SBF2: variants seen among roughly 807,000 people sequenced by gnomAD.
SBF2 encodes SET binding factor 2, also known as myotubularin-related protein 13.
Under a neutral mutation model 225.2 loss-of-function variants are expected in SBF2, and 112 were observed. The observed-to-expected ratio is 0.50, with a 90% CI of 0.43 to 0.58. The LOEUF (loss-of-function observed/expected upper bound fraction) is 0.58. SBF2 is among the 20% of genes least tolerant of loss of function. The probability of loss-of-function intolerance (pLI) is 0.00; values close to 1 mark genes in which losing one functional copy is unlikely to be tolerated. For missense variants in SBF2, 1,996 were observed against 2,206.2 expected (o/e 0.90, Z 1.91); for synonymous variants, 763 against 773.3 (o/e 0.99, Z 0.22).
chr11:10,153,244 G>A (rs1429444857), intron 2 of SBF2, among the ~76,000 whole-genome samples: 1 of 152,144 alleles, frequency 6.6e-6, no homozygotes, highest in Non-Finnish European at 1.5e-5. Flanking sequence ...GAAAGATAAT[G>A]AGAGCCTTAA....
intron 16 of SBF2, among the ~76,000 whole-genome samples, chr11:9,951,628 A>G (rs987040581): frequency 8.5e-5 from 13 of 152,192 alleles, no homozygotes; most frequent in Admixed American, 2.0e-4. Context: ...AAATGTACTT[A>G]ATTTCTTTAA....
intron 13 of SBF2, among the ~76,000 whole-genome samples, chr11:9,971,438 G>C (rs1264254633): frequency 1.3e-5 from 2 of 152,050 alleles, no homozygotes; most frequent in Non-Finnish European, 2.9e-5. Flanking sequence ...CAGCACTTTG[G>C]GAGTTCGGAG....
At position 10,057,338 on chromosome 11, in the gene SBF2, A is replaced by G. The variant is rs61877055; in HGVS notation, c.142-14357T>C. Among the ~76,000 whole-genome samples the G allele has an allele frequency of 7.3e-3, 1,116 of 152,256 alleles. 8 individuals carry two copies. Among genetic ancestry groups the G allele is most frequent in the Non-Finnish European group, 9.6e-3 (655 of 68,020 alleles). On this transcript the variant is annotated intron_variant, in intron 2 of 39. Coordinates refer to ENST00000256190, the MANE Select transcript of SBF2 (RefSeq NM_030962.4). The stretch of plus-strand genomic sequence containing the variant: ...CAGCCTCTCTGCCACTACCTCTGCA[A>G]TGTAACTGCCCTTGTCACCCTTGGA...
At chr11:10,184,339 C>T (rs1956850462) in intron 2 of SBF2, among the ~76,000 whole-genome samples, 1 of 152,120 alleles carries the variant, frequency 6.6e-6, no homozygotes, top group African/African-American at 2.4e-5. Flanking sequence ...ATAAGTCTTC[C>T]AAACTTTGTT....
At chr11:9,862,350 T>C (rs1294674540) in intron 17 of SBF2, among the ~76,000 whole-genome samples, 1 of 152,184 alleles carries the variant, frequency 6.6e-6, no homozygotes, top group African/African-American at 2.4e-5. Context: ...CTAGACTCCA[T>C]CATGGCTTGA....
chr11:10,205,757 C>T (rs924367351), intron 1 of SBF2, among the ~76,000 whole-genome samples: 1 of 152,014 alleles, frequency 6.6e-6, no homozygotes, highest in African/African-American at 2.4e-5. Context: ...GTAGGCATCA[C>T]CAGCAAGAGA....
At chr11:10,075,696 C>G (rs1444861381) in intron 2 of SBF2, among the ~76,000 whole-genome samples, 3 of 152,192 alleles carry the variant, frequency 2.0e-5, no homozygotes, top group African/African-American at 2.4e-5. Flanking sequence ...CCTGAGGCCT[C>G]TCTGCCATGC....
At chr11:9,897,217 C>A (rs1367714414) in intron 16 of SBF2, among the ~76,000 whole-genome samples, 1 of 151,992 alleles carries the variant, frequency 6.6e-6, no homozygotes, top group African/African-American at 2.4e-5. Context: ...CTGACACATG[C>A]TACCACATGG....
At chr11:10,107,903 C>T (rs1952623700) in intron 2 of SBF2, among the ~76,000 whole-genome samples, 1 of 152,100 alleles carries the variant, frequency 6.6e-6, no homozygotes, top group African/African-American at 2.4e-5. Context: ...CAACCCACTA[C>T]AAAGCTCTAG....
At chr11:10,277,245 C>CT (rs1300431853) in intron 1 of SBF2, among the ~76,000 whole-genome samples, 1 of 56,426 alleles carries the variant, frequency 1.8e-5, no homozygotes, top group African/African-American at 4.5e-5. Context: ...CACAAAGACT[C>CT]TGTCTCTAAA....
intron 12 of SBF2, among the ~76,000 whole-genome samples, chr11:9,990,453 C>G (rs574015345): frequency 6.6e-6 from 1 of 152,200 alleles, no homozygotes. Flanking sequence ...TAAGTGAAAA[C>G]AAGGATCACT....
chr11:10,242,664 T>C (rs1160337442), intron 1 of SBF2, among the ~76,000 whole-genome samples: 1 of 151,946 alleles, frequency 6.6e-6, no homozygotes, highest in African/African-American at 2.4e-5. Flanking sequence ...TTCATACAAA[T>C]GGTAGCCAAA....
At chr11:9,920,437 C>A (rs576060223) in intron 16 of SBF2, among the ~76,000 whole-genome samples, 1 of 151,984 alleles carries the variant, frequency 6.6e-6, no homozygotes, top group Non-Finnish European at 1.5e-5. Context: ...TTCTAGGCAC[C>A]AGTGCAAGAA....
At chr11:9,847,518 C>CA (rs3072276) in intron 22 of SBF2, among the ~76,000 whole-genome samples, 33,107 of 137,238 alleles carry the variant, frequency 0.24, 4,016 homozygotes, top group Middle Eastern at 0.28. Flanking sequence ...GGAGGTTTTA[C>CA]AAAAAAAAAA....
chr11:9,994,447 C>G (rs1357827424), intron 9 of SBF2, among the ~76,000 whole-genome samples: 1 of 150,016 alleles, frequency 6.7e-6, no homozygotes, highest in East Asian at 2.0e-4. Flanking sequence ...TGCACTCCAG[C>G]CTGGGCGACA....
intron 1 of SBF2, among the ~76,000 whole-genome samples, chr11:10,251,868 T>C (rs1960385689): frequency 6.6e-6 from 1 of 151,970 alleles, no homozygotes; most frequent in Non-Finnish European, 1.5e-5. Context: ...AAACAGAGAG[T>C]GGCACTAAGG....
chr11:10,115,619 C>T (rs1047870870), intron 2 of SBF2, among the ~76,000 whole-genome samples: 1 of 152,204 alleles, frequency 6.6e-6, no homozygotes, highest in Non-Finnish European at 1.5e-5. Context: ...CTAAATCCTG[C>T]AACTCTTCCC....
At chr11:9,822,007 G>A (rs1854782129) in intron 28 of SBF2, among the ~76,000 whole-genome samples, 1 of 152,152 alleles carries the variant, frequency 6.6e-6, no homozygotes, top group Admixed American at 6.5e-5. Context: ...CATTTCAGCA[G>A]AGTATTAGGC....
intron 2 of SBF2, among the ~76,000 whole-genome samples, chr11:10,193,241 GAAA>G (rs146676336): frequency 6.9e-6 from 1 of 144,624 alleles, no homozygotes; most frequent in African/African-American, 2.5e-5. Context: ...ACATTTTCAG[GAAA>G]AAAAAAATAT....
Sources: allele counts gnomAD v4.1 joint callset (sites outside exome capture counted in the v4.1 genomes callset), GRCh38; gene constraint gnomAD v4.1.1; transcripts MANE v1.5; gene names NCBI Gene and HGNC (gene_info 2026-07-23, HGNC 2026-07-21).